ARFGEF3: variants seen among roughly 807,000 people sequenced by gnomAD.
ARFGEF3 encodes the protein brefeldin A-inhibited guanine nucleotide-exchange protein 3.
Under a neutral mutation model 221.7 loss-of-function variants are expected in ARFGEF3, and 96 were observed. That is an observed-to-expected ratio of 0.43 (90% confidence interval 0.37 to 0.51). The LOEUF (loss-of-function observed/expected upper bound fraction) is 0.51, where lower values mean the gene tolerates loss of function less well. Ranked by LOEUF, ARFGEF3 falls within the 20% of genes least tolerant of loss-of-function variation. The pLI is 0.00. For missense variants in ARFGEF3, 2,410 were observed against 2,789.9 expected (o/e 0.86, Z 3.07); for synonymous variants, 1,145 against 1,126.8 (o/e 1.02, Z -0.32).
chr6:138,294,305 G>A (rs1427959756), intron 20 of ARFGEF3, among the ~76,000 whole-genome samples, 179 bp downstream of exon 20: 1 of 152,224 alleles, frequency 6.6e-6, no homozygotes, highest in African/African-American at 2.4e-5. Flanking sequence ...GAGGGGTGGT[G>A]TAACTCTTTG....
At chr6:138,317,200 T>C (rs373075526) in intron 26 of ARFGEF3, 51 bp from the exon 27 acceptor site, 88 of 1,592,366 alleles carry the variant, frequency 5.5e-5, no homozygotes, top group Non-Finnish European at 7.5e-5. Context: ...TTGAGATGAT[T>C]ATTCATTGTG....
At chr6:138,242,899 A>G (rs1392034590) in intron 6 of ARFGEF3, 53 bp from the exon 7 acceptor site, 4 of 1,502,874 alleles carry the variant, frequency 2.7e-6, no homozygotes, top group Non-Finnish European at 3.7e-6. Flanking sequence ...TCAAAGAGTC[A>G]AGATTTTTCT....
At chr6:138,217,104 T>C (rs1777881348) in intron 4 of ARFGEF3, 1 of 152,276 alleles carries the variant, frequency 6.6e-6, no homozygotes, top group Non-Finnish European at 1.5e-5. Flanking sequence ...TTCCTTTAAA[T>C]AGTTTATGCA....
chr6:138,196,685 G>A (rs1777429931), intron 2 of ARFGEF3, among the ~76,000 whole-genome samples: 1 of 151,950 alleles, frequency 6.6e-6, no homozygotes, highest in African/African-American at 2.4e-5. Flanking sequence ...GTTAACTGTG[G>A]CTTACTGTGA....
In ARFGEF3 at chr6:138,263,362, G is replaced by T; in HGVS notation, c.1879G>T (p.Val627Leu). Residue 627 changes from valine (V) to leucine (L), a missense_variant, in exon 12 of 34, where the codon GTG becomes TTG. Physicochemically the swap from Val to Leu is conservative, Grantham distance 32. Coordinates refer to ENST00000251691, the MANE Select transcript of ARFGEF3 (RefSeq NM_020340.5). ...AAEKDSGRSD[V>L]SDIGSDNCSL... ...AGAAAAGGACTCGGGCAGGTCCGAC[G>T]TGTCAGACATTGGGTCGGACAACTG... 1 of 1,614,040 alleles carries T rather than the reference G, an allele frequency of 6.2e-7. No homozygotes were observed. Among genetic ancestry groups the T allele is most frequent in the South Asian group, 1.1e-5 (1 of 91,082 alleles).
At chr6:138,216,056 G>A (rs57864443) in intron 4 of ARFGEF3, 16,821 of 150,936 alleles carry the variant, frequency 0.11, 1,270 homozygotes, top group East Asian at 0.36. Context: ...TCAGCTCACC[G>A]CAACCTCCAC....
intron 9 of ARFGEF3, 49 bp from the exon 10 acceptor site, chr6:138,255,387 T>A (rs753552709): frequency 2.9e-6 from 4 of 1,390,290 alleles, no homozygotes; most frequent in Non-Finnish European, 4.0e-6. Context: ...GAGTAAATTT[T>A]ATCATTTGGC....
chr6:138,324,094 C>T lies in ARFGEF3; in HGVS notation c.4941C>T (p.Ala1647=). The change falls in exon 31 of 34, where the codon GCC becomes GCT. Residue 1647 remains alanine (A), a synonymous_variant. Coordinates refer to ENST00000251691, the MANE Select transcript of ARFGEF3 (RefSeq NM_020340.5). ...SGEGCQVRVA[A]PSSSPSAEAE... ...AAGGCTGCCAGGTGCGAGTGGCGGCCCCGTCCTCCTCCCCAAGTGCCGAGG... is the reference window on the plus strand; with the variant it reads ...AAGGCTGCCAGGTGCGAGTGGCGGCTCCGTCCTCCTCCCCAAGTGCCGAGG... 1 of 1,613,846 alleles carries T rather than the reference C, an allele frequency of 6.2e-7. No individual in the cohort carries two copies. Among genetic ancestry groups the T allele is most frequent in the Non-Finnish European group, 8.5e-7 (1 of 1,179,890 alleles).
At position 138,336,605 on chromosome 6, in the gene ARFGEF3, A is replaced by C; in HGVS notation, c.*119A>C. 1.3e-6 allele frequency: 1 copy of C among 787,266 alleles called. No homozygotes were observed. The allele number at this position is 787,266 out of a possible 1,614,324, so 48.8% of individuals were successfully genotyped here. On this transcript the variant is annotated 3_prime_UTR_variant, in exon 34 of 34. Transcript: ENST00000251691. ...TTAAACTACTACTACTGTCTCAGAG[A>C]ACAGTGTTTCCTAATGTAAAAAGCC...
chr6:138,257,135 G>A (rs550264457), intron 10 of ARFGEF3, among the ~76,000 whole-genome samples: 1 of 152,288 alleles, frequency 6.6e-6, no homozygotes, highest in East Asian at 1.9e-4. Flanking sequence ...TTCAGGCAAT[G>A]GAGGTCAAAA....
chr6:138,324,884 G>A (rs1780101869), intron 31 of ARFGEF3, among the ~76,000 whole-genome samples: 1 of 152,238 alleles, frequency 6.6e-6, no homozygotes, highest in South Asian at 2.1e-4. Context: ...TCTGCCGCTA[G>A]GAAACCCTGG....
At chr6:138,268,417 C>T (rs55688605) in intron 12 of ARFGEF3, among the ~76,000 whole-genome samples, 6,486 of 152,270 alleles carry the variant, frequency 0.043, 436 homozygotes, top group African/African-American at 0.15. Context: ...GCTGCTTTCT[C>T]GGCTGAATCA....
chr6:138,167,707 T>C (rs2114423498), intron 1 of ARFGEF3, among the ~76,000 whole-genome samples: 1 of 152,340 alleles, frequency 6.6e-6, no homozygotes, highest in African/African-American at 2.4e-5. Flanking sequence ...ATAAGCTGCC[T>C]TCTCTTTTTA....
intron 1 of ARFGEF3, among the ~76,000 whole-genome samples, chr6:138,164,134 A>G (rs1180641167): frequency 6.6e-6 from 1 of 152,236 alleles, no homozygotes; most frequent in Non-Finnish European, 1.5e-5. Context: ...AAAGGCCTAT[A>G]GGGATAGGTT....
chr6:138,258,112 C>T (rs1432897272), intron 10 of ARFGEF3, among the ~76,000 whole-genome samples: 1 of 152,182 alleles, frequency 6.6e-6, no homozygotes, highest in Admixed American at 6.5e-5. Flanking sequence ...TTGACTCTCC[C>T]ATCAAGGCCG....
chr6:138,168,807 G>A (rs904377230), intron 1 of ARFGEF3, among the ~76,000 whole-genome samples: 2 of 152,188 alleles, frequency 1.3e-5, no homozygotes, highest in Admixed American at 1.3e-4. Context: ...GTCCACAGTA[G>A]GACCTCCTGT....
intron 12 of ARFGEF3, among the ~76,000 whole-genome samples, chr6:138,268,823 G>A (rs767481679): frequency 1.3e-5 from 2 of 152,288 alleles, no homozygotes; most frequent in African/African-American, 2.4e-5. Context: ...TGTAAGGTTC[G>A]CTGCAAGCAA....
At chr6:138,303,513 A>G (rs1779662544) in intron 22 of ARFGEF3, among the ~76,000 whole-genome samples, 2 of 152,146 alleles carry the variant, frequency 1.3e-5, no homozygotes, top group African/African-American at 4.8e-5. Flanking sequence ...TAAAAAAGAT[A>G]GATAATAGCG....
intron 7 of ARFGEF3, among the ~76,000 whole-genome samples, 200 bp from the exon 8 acceptor site, chr6:138,245,309 TAAAC>T (rs1200019005): frequency 1.3e-5 from 2 of 152,040 alleles, no homozygotes; most frequent in Non-Finnish European, 2.9e-5. Flanking sequence ...CTCCAAAAAA[TAAAC>T]AAACAAACAA....
Sources: gnomAD v4.1 joint callset for allele counts (sites outside exome capture counted in the v4.1 genomes callset) on GRCh38, gnomAD v4.1.1 for gene constraint, MANE v1.5 for transcripts, NCBI Gene and HGNC (gene_info 2026-07-23, HGNC 2026-07-21) for gene names.